CNTN5: variants seen among roughly 807,000 people sequenced by gnomAD.
The protein encoded by CNTN5 is contactin-5.
CNTN5 carries 77 observed loss-of-function variants against 129.1 expected under a neutral mutation model. The observed-to-expected ratio is 0.60, with a 90% CI of 0.50 to 0.72. The LOEUF (loss-of-function observed/expected upper bound fraction) is 0.72. CNTN5 is among the 30% of genes least tolerant of loss of function. The pLI is 0.00. For synonymous variants in CNTN5, 509 were observed against 465.6 expected, an observed-to-expected ratio of 1.09 and a Z score of -1.20; for missense variants, 1,478 against 1,328.8, an observed-to-expected ratio of 1.11 and a Z score of -1.75.
In CNTN5 at chr11:99,877,511, C is replaced by G. The variant is rs192172774; in HGVS notation, c.577+32249C>G. On this transcript the variant is annotated intron_variant, in intron 6 of 24. Transcript: ENST00000524871. The stretch of plus-strand genomic sequence containing the variant: ...AAGTCTCTTTCTATGGATCCCACAG[C>G]ATTAAAAAATCTAAACACAAGGTAA... Among the ~76,000 whole-genome samples, 371 of 152,230 alleles carry G rather than the reference C, an allele frequency of 2.4e-3. 3 individuals are homozygous for G. The highest frequency in any genetic ancestry group is 7.9e-3 in the African/African-American group (330 of 41,546).
At chr11:99,710,609 G>A (rs1248869966) in intron 3 of CNTN5, among the ~76,000 whole-genome samples, 1 of 147,104 alleles carries the variant, frequency 6.8e-6, no homozygotes, top group African/African-American at 2.6e-5. Context: ...GTGTATGTAT[G>A]TATGTATGTT....
At chr11:100,310,432 C>T (rs1951448949) in intron 21 of CNTN5, among the ~76,000 whole-genome samples, 1 of 151,860 alleles carries the variant, frequency 6.6e-6, no homozygotes, top group Non-Finnish European at 1.5e-5. Context: ...ATCACATGTG[C>T]ACAATTCTTC....
intron 1 of CNTN5, among the ~76,000 whole-genome samples, chr11:99,174,669 A>G (rs1591312895): frequency 6.6e-6 from 1 of 152,202 alleles, no homozygotes; most frequent in African/African-American, 2.4e-5. Flanking sequence ...AAGCCATTTC[A>G]TAATTGCTAT....
chr11:99,907,661 A>G (rs1433399177), intron 6 of CNTN5, among the ~76,000 whole-genome samples: 1 of 151,880 alleles, frequency 6.6e-6, no homozygotes, highest in African/African-American at 2.4e-5. Flanking sequence ...TGATGTGAAT[A>G]TAAAGTCTTC....
chr11:99,848,798 A>G (rs934239813), intron 6 of CNTN5, among the ~76,000 whole-genome samples: 2 of 152,166 alleles, frequency 1.3e-5, no homozygotes, highest in African/African-American at 4.8e-5. Flanking sequence ...AGGATCTTCT[A>G]AAGTCAAACA....
intron 13 of CNTN5, among the ~76,000 whole-genome samples, chr11:100,093,928 T>A (rs1470484534): frequency 6.6e-6 from 1 of 152,096 alleles, no homozygotes; most frequent in Non-Finnish European, 1.5e-5. Context: ...CCCTTCAGGG[T>A]GAACAGGAGA....
chr11:99,520,402 C>A (rs1372827021), intron 2 of CNTN5, among the ~76,000 whole-genome samples: 1 of 152,170 alleles, frequency 6.6e-6, no homozygotes, highest in East Asian at 1.9e-4. Context: ...AACTTACATG[C>A]TTTATGCATG....
chr11:99,137,704 C>G (rs190442610), intron 1 of CNTN5, among the ~76,000 whole-genome samples: 1 of 152,250 alleles, frequency 6.6e-6, no homozygotes, highest in Non-Finnish European at 1.5e-5. Flanking sequence ...ACACCCTCAC[C>G]TGACATTTAA....
chr11:100,154,133 G>A (rs1032672560), intron 13 of CNTN5, among the ~76,000 whole-genome samples: 1 of 152,052 alleles, frequency 6.6e-6, no homozygotes, highest in Non-Finnish European at 1.5e-5. Flanking sequence ...AAGCCCCTGT[G>A]TGTGATGTTC....
At chr11:99,664,860 A>G (rs1952726771) in intron 3 of CNTN5, among the ~76,000 whole-genome samples, 1 of 152,172 alleles carries the variant, frequency 6.6e-6, no homozygotes, top group African/African-American at 2.4e-5. Flanking sequence ...TTATTCTTTA[A>G]TAGAAAAAAT....
chr11:99,959,667 C>A (rs1187928709), intron 8 of CNTN5, among the ~76,000 whole-genome samples: 1 of 151,992 alleles, frequency 6.6e-6, no homozygotes. Context: ...CTTTTACAAA[C>A]GTCTATATTT....
chr11:100,019,839 C>T lies in CNTN5; in HGVS notation c.980+17703C>T, dbSNP rs1369210841. Among the ~76,000 whole-genome samples, 6 of 151,956 alleles carry T rather than the reference C, an allele frequency of 3.9e-5. No homozygotes were observed. In the East Asian group the frequency reaches 7.7e-4, roughly 20 times the overall value. On this transcript the variant is annotated intron_variant, in intron 9 of 24. Transcript: ENST00000524871. ...AAGGGTTCCGTTTTCTCCACGTCCTCGCCAATACTTGTTATCTTTTGTCTT... is the reference window on the plus strand; with the variant it reads ...AAGGGTTCCGTTTTCTCCACGTCCTTGCCAATACTTGTTATCTTTTGTCTT...
Position 99,786,328 on chromosome 11 carries a change from A to G in CNTN5, c.56-33216A>G, listed in dbSNP as rs146050942. 1.2e-3 allele frequency among the ~76,000 whole-genome samples: 190 copies of G among 152,228 alleles called. 2 individuals are homozygous for G. Among genetic ancestry groups the G allele is most frequent in the African/African-American group, 4.0e-3 (167 of 41,560 alleles). On this transcript the variant is annotated intron_variant, in intron 3 of 24. Coordinates refer to ENST00000524871, the MANE Select transcript of CNTN5 (RefSeq NM_014361.4). Reference sequence around the variant, plus strand: ...GTGAAGGACCTCTTCAAGGAGAACTACAAACCGCTGCTCAAGGAAATTGGA... The same window carrying G: ...GTGAAGGACCTCTTCAAGGAGAACTGCAAACCGCTGCTCAAGGAAATTGGA...
At chr11:99,113,317 A>G (rs1251266703) in intron 1 of CNTN5, among the ~76,000 whole-genome samples, 2 of 152,054 alleles carry the variant, frequency 1.3e-5, no homozygotes, top group East Asian at 3.9e-4. Context: ...TCTATATTAT[A>G]ACTTCCATTA....
chr11:99,434,785 A>T (rs1943536549), intron 2 of CNTN5, among the ~76,000 whole-genome samples: 1 of 152,152 alleles, frequency 6.6e-6, no homozygotes, highest in Non-Finnish European at 1.5e-5. Context: ...ATTGCTGTGG[A>T]AATATGAATA....
intron 13 of CNTN5, among the ~76,000 whole-genome samples, chr11:100,129,148 C>T (rs1946293835): frequency 6.6e-6 from 1 of 151,996 alleles, no homozygotes; most frequent in Non-Finnish European, 1.5e-5. Flanking sequence ...TGAATGAGCA[C>T]ATAATTAAAT....
At chr11:99,443,472 A>G (rs116053861) in intron 2 of CNTN5, among the ~76,000 whole-genome samples, 2,406 of 152,328 alleles carry the variant, frequency 0.016, 72 homozygotes, top group African/African-American at 0.055. Flanking sequence ...AAACGTTGCA[A>G]TAAGTGTCAT....
At chr11:99,304,400 A>G (rs1018170397) in intron 1 of CNTN5, among the ~76,000 whole-genome samples, 22 of 152,182 alleles carry the variant, frequency 1.4e-4, no homozygotes, top group Admixed American at 1.3e-3. Flanking sequence ...TCATTCACAT[A>G]TAAATCAATT....
intron 7 of CNTN5, among the ~76,000 whole-genome samples, chr11:99,923,971 T>C (rs997474380): frequency 6.6e-6 from 1 of 152,154 alleles, no homozygotes; most frequent in Non-Finnish European, 1.5e-5. Context: ...TTTTGTGTTT[T>C]AGTAGAGACA....
Sources: gnomAD v4.1 joint callset for allele counts (sites outside exome capture counted in the v4.1 genomes callset) on GRCh38, gnomAD v4.1.1 for gene constraint, MANE v1.5 for transcripts, NCBI Gene and HGNC (gene_info 2026-07-23, HGNC 2026-07-21) for gene names.